The following SEPHS1 variants were observed in gnomAD, a reference collection of about 807,000 sequenced individuals.
SEPHS1 encodes selenophosphate synthetase 1.
In SEPHS1, 7 loss-of-function variants were observed where a neutral mutation model predicts 39.2. The ratio of observed to expected loss-of-function variants is 0.18; its 90% CI spans 0.10 to 0.34. The LOEUF is 0.34. Ranked by LOEUF, SEPHS1 falls within the 10% of genes least tolerant of loss-of-function variation. The pLI, the probability that SEPHS1 is intolerant of heterozygous loss-of-function variation, is 1.00. For missense variants in SEPHS1, 253 were observed against 514.5 expected (o/e 0.49, Z 4.92); for synonymous variants, 190 against 195.5 (o/e 0.97, Z 0.23).
intron 5 of SEPHS1, among the ~76,000 whole-genome samples, chr10:13,330,074 A>G (rs889376809): frequency 6.6e-6 from 1 of 152,176 alleles, no homozygotes; most frequent in African/African-American, 2.4e-5. Flanking sequence ...GGAGTTCAGG[A>G]CCAGCCTGGG....
At chr10:13,319,429 G>GAGGC in intron 8 of SEPHS1, 73 bp from the exon 9 acceptor site, 1 of 1,480,126 alleles carries the variant, frequency 6.8e-7, no homozygotes, top group Non-Finnish European at 9.3e-7. Flanking sequence ...TGCTTCTGCA[G>GAGGC]AGATCCAACT....
intron 8 of SEPHS1, chr10:13,322,077 G>C: frequency 2.2e-6 from 1 of 453,232 alleles, no homozygotes; most frequent in Non-Finnish European, 4.4e-6. Flanking sequence ...TAAGAAAAAA[G>C]AAAAATGGCA....
At chr10:13,327,048 G>T (rs774835513) in intron 7 of SEPHS1, among the ~76,000 whole-genome samples, 23 of 151,908 alleles carry the variant, frequency 1.5e-4, no homozygotes, top group Non-Finnish European at 3.1e-4. Context: ...GACCAGCCTG[G>T]CCAACATAGT....
chr10:13,341,661 T>TA, intron 2 of SEPHS1, among the ~76,000 whole-genome samples: 1 of 152,238 alleles, frequency 6.6e-6, no homozygotes, highest in African/African-American at 2.4e-5. Context: ...AGAAAAAAGT[T>TA]AAAAACATAA....
intron 6 of SEPHS1, among the ~76,000 whole-genome samples, chr10:13,329,492 T>C (rs567235044): frequency 2.6e-4 from 40 of 152,216 alleles, no homozygotes; most frequent in Non-Finnish European, 4.9e-4. Context: ...AGCTCCAAGC[T>C]GGGGCTTACC....
chr10:13,346,297 A>C (rs767127732), intron 1 of SEPHS1, among the ~76,000 whole-genome samples: 148 of 152,222 alleles, frequency 9.7e-4, no homozygotes, highest in Non-Finnish European at 1.6e-3. Context: ...GACTAGAATT[A>C]CAAACACCCC....
At chr10:13,339,898 G>C (rs1322725386) in intron 2 of SEPHS1, among the ~76,000 whole-genome samples, 1 of 152,192 alleles carries the variant, frequency 6.6e-6, no homozygotes, top group Non-Finnish European at 1.5e-5. Context: ...TTTTCAGTCT[G>C]TGGTTGGTTG....
Position 13,317,828 on chromosome 10 carries a change from A to C in SEPHS1, c.*1314T>G, listed in dbSNP as rs1832988934. On this transcript the variant is annotated 3_prime_UTR_variant, in exon 9 of 9. Coordinates refer to ENST00000327347, the MANE Select transcript of SEPHS1 (RefSeq NM_012247.5). ...AGCGCCCTTGTGCTTAATGACAGGA[A>C]TCCCTCCTCATTGCTTAGTAGGTTA... is the stretch of plus-strand genomic sequence containing the variant. 2.0e-5 allele frequency: 3 copies of C among 152,174 alleles called. No individual in the cohort carries two copies. The highest frequency in any genetic ancestry group is 7.2e-5 in the African/African-American group (3 of 41,448). The allele number at this position is 152,174 out of a possible 1,614,324, so 9.4% of individuals were successfully genotyped here.
intron 1 of SEPHS1, among the ~76,000 whole-genome samples, chr10:13,347,657 G>A (rs1157219454): frequency 1.4e-5 from 2 of 146,344 alleles, no homozygotes; most frequent in Non-Finnish European, 3.0e-5. Flanking sequence ...CTCCCGCCGC[G>A]CGCACGGGCC....
At chr10:13,329,809 T>C in intron 5 of SEPHS1, 21 bp from the exon 6 acceptor site, 1 of 1,583,646 alleles carries the variant, frequency 6.3e-7, no homozygotes, top group Non-Finnish European at 8.6e-7. Flanking sequence ...GAAAAGGGCA[T>C]GTTCTAGTCA....
At chr10:13,333,416 A>T (rs1833527184) in intron 5 of SEPHS1, among the ~76,000 whole-genome samples, 1 of 148,222 alleles carries the variant, frequency 6.7e-6, no homozygotes, top group Non-Finnish European at 1.5e-5. Flanking sequence ...TACAGGCATG[A>T]GCAACCGCGC....
chr10:13,335,966 T>G (rs1399673649), intron 4 of SEPHS1, among the ~76,000 whole-genome samples: 3 of 129,002 alleles, frequency 2.3e-5, no homozygotes, highest in Admixed American at 9.7e-5. Context: ...GGCGACAGAG[T>G]GAGACTCCTG....
At chr10:13,325,194 T>C (rs1228470354) in intron 7 of SEPHS1, among the ~76,000 whole-genome samples, 1 of 152,220 alleles carries the variant, frequency 6.6e-6, no homozygotes, top group South Asian at 2.1e-4. Flanking sequence ...TTTTAATAGA[T>C]AGTGCTTTTG....
rs1160661224 is a variant in SEPHS1, at chr10:13,319,019, C to A, written c.*123G>T. On this transcript the variant is annotated 3_prime_UTR_variant, in exon 9 of 9. Coordinates refer to ENST00000327347, the MANE Select transcript of SEPHS1 (RefSeq NM_012247.5). ...TTTATTAATTGTATCCACTTACAAACCGACCTAAGGTCACCCCGATGTGTA... is the reference window on the plus strand; with the variant it reads ...TTTATTAATTGTATCCACTTACAAAACGACCTAAGGTCACCCCGATGTGTA... 1.1e-6 allele frequency: 1 copy of A among 920,248 alleles called. No homozygotes were observed. The highest frequency in any genetic ancestry group is 1.7e-5 in the African/African-American group (1 of 59,128). The allele number at this position is 920,248 out of a possible 1,614,324, so 57.0% of individuals were successfully genotyped here.
rs560437396 is a variant in SEPHS1 at position 13,325,348 on chromosome 10, G to A, written c.752-2301C>T. The stretch of plus-strand genomic sequence containing the variant: ...TGTGTCCCCACCTAAATCTCATCTC[G>A]AATTGTAATCCCCACATGTCAAGAG... On this transcript the variant is annotated intron_variant, in intron 7 of 8. Transcript: ENST00000327347. 2.6e-5 allele frequency among the ~76,000 whole-genome samples: 4 copies of A among 152,220 alleles called. No individual in the cohort carries two copies. In the South Asian group the frequency reaches 6.2e-4, roughly 24 times the overall value.
chr10:13,345,386 CTG>C (rs1833892332), intron 1 of SEPHS1: 1 of 156,250 alleles, frequency 6.4e-6, no homozygotes, highest in Non-Finnish European at 1.4e-5. Flanking sequence ...CCTGGAAGCA[CTG>C]TGGTTCAGAA....
chr10:13,346,179 G>A (rs1471091857), intron 1 of SEPHS1, among the ~76,000 whole-genome samples: 1 of 152,192 alleles, frequency 6.6e-6, no homozygotes, highest in Non-Finnish European at 1.5e-5. Context: ...GTGTACCACC[G>A]TTAGGTTTCT....
At chr10:13,345,206 C>T (rs2130702506) in intron 1 of SEPHS1, 178 bp from the exon 2 acceptor site, 1 of 318,188 alleles carries the variant, frequency 3.1e-6, no homozygotes, top group Non-Finnish European at 5.7e-6. Context: ...AACGGGACTG[C>T]GTCAGCACAG....
At chr10:13,328,958 G>T (rs3781085) in intron 6 of SEPHS1, among the ~76,000 whole-genome samples, 96,810 of 152,132 alleles carry the variant, frequency 0.64, 31,157 homozygotes, top group East Asian at 0.77. Context: ...TCTACCCTGC[G>T]ACATCAAGCT....
Sources: allele counts gnomAD v4.1 joint callset (sites outside exome capture counted in the v4.1 genomes callset), GRCh38; gene constraint gnomAD v4.1.1; transcripts MANE v1.5; gene names NCBI Gene and HGNC (gene_info 2026-07-23, HGNC 2026-07-21).